Variants in MAN2B1 observed in about 807,000 individuals in gnomAD.
MAN2B1 encodes the protein lysosomal alpha-mannosidase.
In MAN2B1, 99 loss-of-function variants were observed where a neutral mutation model predicts 127.5. The observed-to-expected ratio is 0.78, with a 90% confidence interval of 0.66 to 0.92. MAN2B1 has a LOEUF of 0.92. Among genes scored for constraint, MAN2B1 ranks in the 40% least tolerant of loss-of-function variants. The pLI is 0.00. For synonymous variants in MAN2B1, 573 were observed against 568.8 expected (o/e 1.01, Z -0.11); for missense variants, 1,304 against 1,384.8 (o/e 0.94, Z 0.93).
intron 5 of MAN2B1, 47 bp from the exon 6 acceptor site, chr19:12,663,509 CCCTGGTTTCAAAGCCGG>C: frequency 6.2e-7 from 1 of 1,607,676 alleles, no homozygotes; most frequent in Non-Finnish European, 8.5e-7. Flanking sequence ...CCCAGACCTT[CCCTGGTTTCAAAGCCGG>C]CCATGTCCCA....
In MAN2B1 at chr19:12,657,041, C is replaced by T. The variant is rs767199154; in HGVS notation, c.1435G>A (p.Ala479Thr). Reference protein sequence around the residue: ...WGPCEVLLSNALARLRGFKDH... With the variant: ...WGPCEVLLSNTLARLRGFKDH... ...TTGAAGCCTCTGAGCCGCGCCAGCG[C>T]GTTGCTCAGAAGAACCTGCGGAAGA... Residue 479 changes from alanine (A) to threonine (T), a missense_variant, in exon 12 of 24, where the codon GCG (alanine) becomes ACG (threonine). Ala to Thr is a moderately conservative substitution (Grantham distance 58). Transcript: ENST00000456935. 6.2e-7 allele frequency: 1 copy of T among 1,610,870 alleles called. No homozygotes were observed. The highest frequency in any genetic ancestry group is 8.5e-7 in the Non-Finnish European group (1 of 1,178,996).
At chr19:12,649,079 C>A in intron 20 of MAN2B1, 57 bp downstream of exon 20, 1 of 1,460,040 alleles carries the variant, frequency 6.8e-7, no homozygotes, top group South Asian at 1.2e-5. Flanking sequence ...CCTTCAAGGT[C>A]CAGCAGGGGT....
intron 14 of MAN2B1, 140 bp downstream of exon 14, chr19:12,655,554 T>A: frequency 1.2e-6 from 1 of 829,194 alleles, no homozygotes; most frequent in South Asian, 1.8e-5. Context: ...CAAAGGTCAC[T>A]TGCTCAAGGA....
chr19:12,652,123 A>C, intron 16 of MAN2B1, 30 bp downstream of exon 16: 1 of 1,555,930 alleles, frequency 6.4e-7, no homozygotes, highest in Non-Finnish European at 8.9e-7. Context: ...CCCATTCCCA[A>C]CTGCCCACTC....
At chr19:12,653,188 G>A (rs1024353571) in intron 14 of MAN2B1, among the ~76,000 whole-genome samples, 1 of 146,768 alleles carries the variant, frequency 6.8e-6, no homozygotes, top group African/African-American at 2.5e-5. Flanking sequence ...TATCGCCCAG[G>A]CTGGAGTGCA....
rs999923581 is a variant in MAN2B1 at position 12,652,185 on chromosome 19, CA to C, written c.2013del (p.Val672Ter). 3 of 1,614,042 alleles carry C rather than the reference CA, an allele frequency of 1.9e-6. No homozygotes were observed. The African/African-American group carries it at 4.0e-5, about 22-fold the overall frequency. On this transcript the variant is annotated frameshift_variant, in exon 16 of 24. Coordinates refer to ENST00000456935, the MANE Select transcript of MAN2B1 (RefSeq NM_000528.4). LOFTEE classifies it high-confidence loss of function. ...AGGTGGATCTGAGCCCAGCGGCTCACAGGCAGCGGTTTCTGTTGGTTGGGTC... is the reference window on the plus strand; with the variant it reads ...AGGTGGATCTGAGCCCAGCGGCTCACGGCAGCGGTTTCTGTTGGTTGGGTC... The part of the protein sequence containing the change: ...IFRPNQQKPL[P>X]VSRWAQIHLV...
At position 12,647,252 on chromosome 19, in the gene MAN2B1, G is replaced by A; in HGVS notation, c.2904C>T (p.Leu968=). The part of the protein sequence containing the change: ...ANQLREAASR[L]KWTTNTGPTP... ...CCCCACCTGTGTTTGTTGTCCACTT[G>A]AGCCTGGAGGCTGCCTCGCGGAGCT... Residue 968 remains leucine (L), a synonymous_variant, in exon 23 of 24, where the codon CTC becomes CTT. Coordinates refer to ENST00000456935, the MANE Select transcript of MAN2B1 (RefSeq NM_000528.4). This position sits in a 1 kb window ranked among gnomAD's most constrained non-coding sequence, Gnocchi z 4.9. 6.2e-7 allele frequency: 1 copy of A among 1,613,964 alleles called. No individual in the cohort carries two copies. The highest frequency in any genetic ancestry group is 2.2e-5 in the East Asian group (1 of 44,876).
In MAN2B1 at chr19:12,663,332, A is replaced by G. The variant is rs1177229578; in HGVS notation, c.894T>C (p.Asn298=). ...CCAGGGTTACCTGGGCAGTGGCCACATTTAGGAAGTAATCGACCAGCTCCT... is the reference window on the plus strand; with the variant it reads ...CCAGGGTTACCTGGGCAGTGGCCACGTTTAGGAAGTAATCGACCAGCTCCT... ...NAKELVDYFL[N]VATAQGRYYR... The change falls in exon 6 of 24, where the codon AAT becomes AAC. Residue 298 remains asparagine (N), a synonymous_variant. Transcript: ENST00000456935. The G allele has an allele frequency of 6.2e-7, 1 of 1,614,080 alleles. No individual in the cohort carries two copies. Among genetic ancestry groups the G allele is most frequent in the Non-Finnish European group, 8.5e-7 (1 of 1,180,028 alleles).
At chr19:12,658,636 G>T (rs1287088054) in intron 7 of MAN2B1, 126 bp from the exon 8 acceptor site, 3 of 865,360 alleles carry the variant, frequency 3.5e-6, no homozygotes, top group East Asian at 5.3e-5. Context: ...TATTTGGCGT[G>T]CAAGCCAATG....
At chr19:12,657,334 C>A (rs1424078483) in intron 11 of MAN2B1, 112 bp downstream of exon 11, 2 of 1,038,740 alleles carry the variant, frequency 1.9e-6, no homozygotes, top group Non-Finnish European at 2.9e-6. Context: ...CTTGTAGCCC[C>A]GCCACAGGGC....
At position 12,647,100 on chromosome 19, in the gene MAN2B1, T is replaced by C; in HGVS notation, c.2923+133A>G. The C allele has an allele frequency of 2.4e-6, 2 of 835,422 alleles. No homozygotes were observed. Among genetic ancestry groups the C allele is most frequent in the East Asian group, 4.9e-5 (2 of 40,632 alleles). The allele number at this position is 835,422 out of a possible 1,614,324, so 51.8% of individuals were successfully genotyped here. A position where few individuals can be genotyped will look rare whatever the true frequency, so the allele number is the denominator to read the frequency against. On this transcript the variant is annotated intron_variant, in intron 23 of 23. Coordinates refer to ENST00000456935, the MANE Select transcript of MAN2B1 (RefSeq NM_000528.4). This position sits in a 1 kb window ranked among gnomAD's most constrained non-coding sequence, Gnocchi z 4.9. The stretch of plus-strand genomic sequence containing the variant: ...TTTCAGATCCTTTAAGCCCCTAACC[T>C]GGGTCTGGACTCTGCCCCATACCCT...
In MAN2B1 at chr19:12,647,653, G is replaced by T. The variant is rs1267263894; in HGVS notation, c.2665-55C>A. The stretch of plus-strand genomic sequence containing the variant: ...AGAGGGGCGGGGCCTGGATGGAGAA[G>T]GGCGGGGCCGAGCCAGGTCAGGAGG... On this transcript the variant is annotated intron_variant, in intron 21 of 23. Coordinates refer to ENST00000456935, the MANE Select transcript of MAN2B1 (RefSeq NM_000528.4). The surrounding 1 kb of genome is among the most constrained non-coding windows in gnomAD (Gnocchi z 4.9). 7.2e-6 allele frequency: 11 copies of T among 1,521,192 alleles called. No individual in the cohort carries two copies. In the African/African-American group the frequency reaches 1.4e-4, roughly 19 times the overall value. 94.2% of individuals were successfully genotyped at this position (1,521,192 alleles called of 1,614,324 possible).
rs2023783322 is a variant in MAN2B1 at position 12,649,432 on chromosome 19, G to C, written c.2268-4C>G. ...CCAGGTGGGTCGATAATCCCGCCTG[G>C]GGTTGGGGGTGAGCTGATCAGGCTT... On this transcript the variant is annotated splice_region_variant and splice_polypyrimidine_tract_variant and intron_variant, in intron 18 of 23. Coordinates refer to ENST00000456935, the MANE Select transcript of MAN2B1 (RefSeq NM_000528.4). The C allele has an allele frequency of 6.2e-7, 1 of 1,600,934 alleles. No homozygotes were observed. The highest frequency in any genetic ancestry group is 1.7e-5 in the Admixed American group (1 of 59,372).
At chr19:12,661,189 T>G in intron 7 of MAN2B1, 71 bp downstream of exon 7, 1 of 1,007,772 alleles carries the variant, frequency 9.9e-7, no homozygotes, top group African/African-American at 1.6e-5. Context: ...CTGAGAGCTA[T>G]GCACATAACC....
Position 12,658,251 on chromosome 19 carries a change from G to C in MAN2B1, c.1203C>G (p.Tyr401Ter), listed in dbSNP as rs781291011. 6.2e-7 allele frequency: 1 copy of C among 1,614,140 alleles called. No homozygotes were observed. The highest frequency in any genetic ancestry group is 8.5e-7 in the Non-Finnish European group (1 of 1,180,024). ...GCAGGAAGTTGTAGCTGAGGCGCTC[G>C]TAGCGTTTGAGGGCCGGCCGACTGG... ...YFSSRPALKRYERLSYNFLQV... is the reference protein window; with the variant it reads ...YFSSRPALKR Residue 401 changes from tyrosine to a stop codon, truncating the protein, a stop_gained, in exon 9 of 24, where the codon TAC (tyrosine) becomes TAG (stop). Coordinates refer to ENST00000456935, the MANE Select transcript of MAN2B1 (RefSeq NM_000528.4). LOFTEE classifies it high-confidence loss of function.
At chr19:12,657,422 T>C in intron 11 of MAN2B1, 24 bp downstream of exon 11, 1 of 1,541,516 alleles carries the variant, frequency 6.5e-7, no homozygotes, top group Non-Finnish European at 8.8e-7. Flanking sequence ...CACCCCCGTG[T>C]CTCCCAAGTC....
chr19:12,649,846 T>TCCCCCCCCAC, intron 18 of MAN2B1, 67 bp downstream of exon 18: 2 of 1,330,396 alleles, frequency 1.5e-6, no homozygotes, highest in African/African-American at 1.5e-5. Context: ...TCAGCAAATT[T>TCCCCCCCCAC]CCCTCACCAC....
Position 12,665,485 on chromosome 19 carries a change from C to T in MAN2B1, c.303G>A (p.Leu101=), listed in dbSNP as rs1474027533. 3 of 1,614,126 alleles carry T rather than the reference C, an allele frequency of 1.9e-6. No individual in the cohort carries two copies. Among genetic ancestry groups the T allele is most frequent in the South Asian group, 1.1e-5 (1 of 91,082 alleles). ...DIQHAGVQYI[L]DSVISALLAD... ...CCAGCAAGGCAGAGATGACCGAGTC[C>T]AGGATGTACTGCACACCGGCGTGCT... Residue 101 remains leucine (L), a synonymous_variant, in exon 3 of 24, where the codon CTG becomes CTA. Coordinates refer to ENST00000456935, the MANE Select transcript of MAN2B1 (RefSeq NM_000528.4).
At chr19:12,653,506 C>T (rs2023891178) in intron 14 of MAN2B1, among the ~76,000 whole-genome samples, 1 of 151,414 alleles carries the variant, frequency 6.6e-6, no homozygotes, top group African/African-American at 2.4e-5. Context: ...CACCTGTAAT[C>T]CCAGAACTTT....
Sources: allele counts gnomAD v4.1 joint callset (sites outside exome capture counted in the v4.1 genomes callset), GRCh38; gene constraint gnomAD v4.1.1; non-coding constraint Gnocchi (gnomAD v3.1); transcripts MANE v1.5; gene names NCBI Gene and HGNC (gene_info 2026-07-23, HGNC 2026-07-21).